AP1AR: variants seen among roughly 807,000 people sequenced by gnomAD.
AP1AR encodes AP-1 complex-associated regulatory protein.
AP1AR carries 29 observed loss-of-function variants against 46.3 expected under a neutral mutation model. The ratio of observed to expected loss-of-function variants is 0.63; its 90% confidence interval spans 0.47 to 0.85. AP1AR has a LOEUF of 0.85. AP1AR is among the 40% of genes least tolerant of loss of function. AP1AR has a pLI of 0.00. For missense variants in AP1AR, 357 were observed against 356.3 expected (o/e 1.00, Z -0.02); for synonymous variants, 122 against 122.9 (o/e 0.99, Z 0.05).
chr4:112,255,774 C>G (rs1726175067), intron 3 of AP1AR, among the ~76,000 whole-genome samples: 1 of 152,194 alleles, frequency 6.6e-6, no homozygotes, highest in Non-Finnish European at 1.5e-5. Context: ...ATTTTAGAAT[C>G]AGCAAATTGT....
At chr4:112,258,171 T>G (rs1228597014) in intron 4 of AP1AR, among the ~76,000 whole-genome samples, 1 of 152,212 alleles carries the variant, frequency 6.6e-6, no homozygotes, top group African/African-American at 2.4e-5. Flanking sequence ...TAATAGTAAC[T>G]AAAACCTTAT....
chr4:112,240,284 C>CATCTTGTAGATGCCAGCTTAA (rs1259047424), intron 1 of AP1AR, among the ~76,000 whole-genome samples: 2 of 152,196 alleles, frequency 1.3e-5, no homozygotes, highest in Non-Finnish European at 2.9e-5. Context: ...CCTATTCACT[C>CATCTTGTAGATGCCAGCTTAA]ATCTTGTAGA....
chr4:112,250,807 A>AT (rs2110478022), intron 1 of AP1AR, among the ~76,000 whole-genome samples: 1 of 150,272 alleles, frequency 6.7e-6, no homozygotes, highest in Admixed American at 6.6e-5. Context: ...TTTCCCAAAT[A>AT]TATTTTGCTT....
intron 3 of AP1AR, among the ~76,000 whole-genome samples, chr4:112,255,988 C>T (rs1726184899): frequency 6.6e-6 from 1 of 152,098 alleles, no homozygotes; most frequent in African/African-American, 2.4e-5. Flanking sequence ...TTGACACTGT[C>T]GTTTTTGTTT....
At chr4:112,261,457 AT>A (rs1726438908) in intron 5 of AP1AR, among the ~76,000 whole-genome samples, 2 of 152,046 alleles carry the variant, frequency 1.3e-5, no homozygotes, top group African/African-American at 2.4e-5. Flanking sequence ...ACAAAAGCAA[AT>A]TTTTAAAAAA....
At chr4:112,238,036 G>A (rs1012765857) in intron 1 of AP1AR, among the ~76,000 whole-genome samples, 3 of 152,250 alleles carry the variant, frequency 2.0e-5, no homozygotes, top group Admixed American at 1.3e-4. Flanking sequence ...GCCATAGACA[G>A]CATTTCAACA....
chr4:112,249,739 A>T (rs1429693952), intron 1 of AP1AR, among the ~76,000 whole-genome samples: 2 of 152,170 alleles, frequency 1.3e-5, no homozygotes, highest in East Asian at 3.8e-4. Flanking sequence ...GCATAGTGAG[A>T]TACCATCTTG....
intron 6 of AP1AR, 74 bp downstream of exon 6, chr4:112,263,160 C>T: frequency 3.5e-6 from 4 of 1,157,502 alleles, no homozygotes; most frequent in Non-Finnish European, 5.0e-6. Context: ...TTAGTTGGGA[C>T]TCTTTTTTTC....
chr4:112,270,001 CAA>C lies in AP1AR; in HGVS notation c.*1594_*1595del, dbSNP rs1380828219. ...AAAGAATTTTTTGAAGGAATGGTAA[CAA>C]ATGGTAATTTACAAATGGTTGTGAA... On this transcript the variant is annotated 3_prime_UTR_variant, in exon 10 of 10. Transcript: ENST00000274000. The C allele has an allele frequency of 6.6e-6, 1 of 152,438 alleles. No individual in the cohort carries two copies. Among genetic ancestry groups the C allele is most frequent in the Admixed American group, 6.6e-5 (1 of 15,260 alleles). The allele number at this position is 152,438 out of a possible 1,614,324, so 9.4% of individuals were successfully genotyped here. A position where few individuals can be genotyped will look rare whatever the true frequency, so the allele number is the denominator to read the frequency against.
Position 112,268,592 on chromosome 4 carries a change from T to A in AP1AR, c.*183T>A. On this transcript the variant is annotated 3_prime_UTR_variant, in exon 10 of 10. Transcript: ENST00000274000. ...TGAATTGATACAGAATTAAGTGCAATTTCATCATCTGCCTTCTGCTTTTCA... is the reference window on the plus strand; with the variant it reads ...TGAATTGATACAGAATTAAGTGCAAATTCATCATCTGCCTTCTGCTTTTCA... 1 of 484,322 alleles carries A rather than the reference T, an allele frequency of 2.1e-6. No individual in the cohort carries two copies. Among genetic ancestry groups the A allele is most frequent in the Non-Finnish European group, 3.4e-6 (1 of 298,122 alleles). 30.0% of individuals were successfully genotyped at this position (484,322 alleles called of 1,614,324 possible).
intron 1 of AP1AR, among the ~76,000 whole-genome samples, chr4:112,241,771 C>G (rs1373094953): frequency 6.6e-6 from 1 of 152,140 alleles, no homozygotes; most frequent in African/African-American, 2.4e-5. Context: ...GATTTTATCC[C>G]TTAAGATTTG....
At chr4:112,240,090 CAT>C (rs1332596777) in intron 1 of AP1AR, among the ~76,000 whole-genome samples, 2 of 152,216 alleles carry the variant, frequency 1.3e-5, no homozygotes, top group Non-Finnish European at 2.9e-5. Context: ...ACAAATACAA[CAT>C]AAATTCTGAA....
At chr4:112,237,842 C>T (rs150057960) in intron 1 of AP1AR, among the ~76,000 whole-genome samples, 244 of 152,222 alleles carry the variant, frequency 1.6e-3, no homozygotes, top group African/African-American at 5.7e-3. Flanking sequence ...CTATGAAACC[C>T]GCTCCAAGCC....
intron 6 of AP1AR, 77 bp from the exon 7 acceptor site, chr4:112,264,932 T>C: frequency 9.3e-7 from 1 of 1,080,278 alleles, no homozygotes; most frequent in Non-Finnish European, 1.3e-6. Context: ...AAAATACTTT[T>C]TGGTGTTGCA....
Position 112,268,384 on chromosome 4 carries a change from C to A in AP1AR, c.884C>A (p.Ser295Tyr). The A allele has an allele frequency of 6.2e-7, 1 of 1,606,042 alleles. No individual in the cohort carries two copies. Residue 295 changes from serine (S) to tyrosine (Y), a missense_variant, in exon 10 of 10, where the codon TCT (serine) becomes TAT (tyrosine). This residue lies in a region of AP1AR where 88 missense variants were observed against 132.7 expected (regional missense o/e 0.66). Transcript: ENST00000274000. ...LELSDSGIRH[S>Y]DTDQQTR ...CTGTCTGATTCTGGCATAAGGCATT[C>A]TGACACAGATCAACAGACTCGATAG...
At chr4:112,237,487 T>G (rs1725297017) in intron 1 of AP1AR, among the ~76,000 whole-genome samples, 1 of 151,780 alleles carries the variant, frequency 6.6e-6, no homozygotes, top group Non-Finnish European at 1.5e-5. Context: ...AGACGAGGTC[T>G]CACTCTGTCA....
chr4:112,260,206 G>T (rs1443644836), intron 4 of AP1AR, among the ~76,000 whole-genome samples: 1 of 152,126 alleles, frequency 6.6e-6, no homozygotes, highest in Admixed American at 6.5e-5. Context: ...GAGTATGTTG[G>T]TAAGAAAGTA....
chr4:112,235,270 C>G (rs1725191288), intron 1 of AP1AR, among the ~76,000 whole-genome samples: 1 of 152,164 alleles, frequency 6.6e-6, no homozygotes. Flanking sequence ...TTTTCTTTCT[C>G]AGATAGAAGA....
intron 1 of AP1AR, among the ~76,000 whole-genome samples, chr4:112,242,693 G>T (rs1725558217): frequency 6.6e-6 from 1 of 152,156 alleles, no homozygotes. Flanking sequence ...AGCCATTCAT[G>T]AGGGATCCAC....
Sources: gnomAD v4.1 joint callset for allele counts (sites outside exome capture counted in the v4.1 genomes callset) on GRCh38, gnomAD v4.1.1 for gene constraint, gnomAD v4.1.1 regional missense constraint, MANE v1.5 for transcripts, NCBI Gene and HGNC (gene_info 2026-07-23, HGNC 2026-07-21) for gene names.